Variants in ADGRL2 observed in about 807,000 individuals in gnomAD.
ADGRL2 encodes the protein calcium-independent alpha-latrotoxin receptor 2.
ADGRL2 carries 44 observed loss-of-function variants against 157.4 expected under a neutral mutation model. The observed-to-expected ratio is 0.28, with a 90% CI of 0.22 to 0.36. ADGRL2 has a LOEUF of 0.36. Ranked by LOEUF, ADGRL2 falls within the 10% of genes least tolerant of loss-of-function variation. ADGRL2 has a pLI of 1.00. For missense variants in ADGRL2, 1,510 were observed against 1,768.9 expected (o/e 0.85, Z 2.63); for synonymous variants, 585 against 624.7 (o/e 0.94, Z 0.95).
intron 2 of ADGRL2, among the ~76,000 whole-genome samples, chr1:81,868,381 T>A (rs2093606297): frequency 6.6e-6 from 1 of 152,110 alleles, no homozygotes. Context: ...AAGTGAACTT[T>A]GTGAAATATA....
At chr1:81,746,915 C>A (rs575823329) in intron 1 of ADGRL2, among the ~76,000 whole-genome samples, 1 of 133,204 alleles carries the variant, frequency 7.5e-6, no homozygotes, top group Non-Finnish European at 1.7e-5. Context: ...CACGTGCACA[C>A]GTATATACGT....
At chr1:81,918,302 C>T (rs762164067) in intron 3 of ADGRL2, among the ~76,000 whole-genome samples, 1 of 152,024 alleles carries the variant, frequency 6.6e-6, no homozygotes, top group Non-Finnish European at 1.5e-5. Context: ...CCTATGACAC[C>T]TGAGATATGT....
At chr1:81,746,274 TA>T (rs1334759344) in intron 1 of ADGRL2, among the ~76,000 whole-genome samples, 3 of 152,136 alleles carry the variant, frequency 2.0e-5, no homozygotes, top group African/African-American at 7.2e-5. Flanking sequence ...GCAATTTTAG[TA>T]AAATAAAAAT....
At chr1:81,476,173 A>G (rs933045218) in intron 2 of ADGRL2, among the ~76,000 whole-genome samples, 12 of 152,164 alleles carry the variant, frequency 7.9e-5, no homozygotes, top group African/African-American at 2.9e-4. Context: ...CAGAGAGAGA[A>G]AGAAAAAGAA....
chr1:81,457,603 C>G (rs1221609852), intron 2 of ADGRL2, among the ~76,000 whole-genome samples: 2 of 151,982 alleles, frequency 1.3e-5, no homozygotes, highest in African/African-American at 4.8e-5. Flanking sequence ...AACTTTTTTT[C>G]TTTTACTTTT....
rs186430361 is a variant in ADGRL2, at chr1:81,411,849, C to G, written c.-301-33187C>G. Among the ~76,000 whole-genome samples, 585 of 149,290 alleles carry G rather than the reference C, an allele frequency of 3.9e-3. 3 individuals are homozygous for G. Among genetic ancestry groups the G allele is most frequent in the African/African-American group, 0.014 (565 of 40,564 alleles). On this transcript the variant is annotated intron_variant, in intron 1 of 24. Transcript: ENST00000370721. ...GAGCTGAGATCGCGCCACTGCACTCCAGCCTGGGCAACAAAGCGAGACTCC... is the reference window on the plus strand; with the variant it reads ...GAGCTGAGATCGCGCCACTGCACTCGAGCCTGGGCAACAAAGCGAGACTCC...
chr1:81,938,228 T>G (rs2095338185), intron 4 of ADGRL2, among the ~76,000 whole-genome samples: 1 of 151,740 alleles, frequency 6.6e-6, no homozygotes, highest in African/African-American at 2.4e-5. Flanking sequence ...AACCAAAATT[T>G]TGTTCCATAA....
chr1:81,756,890 C>T (rs952958806), intron 1 of ADGRL2, among the ~76,000 whole-genome samples: 12 of 152,166 alleles, frequency 7.9e-5, no homozygotes, highest in African/African-American at 2.7e-4. Context: ...TAGGTTTACA[C>T]ACGTGGAACA....
intron 2 of ADGRL2, among the ~76,000 whole-genome samples, chr1:81,850,003 A>G (rs1046769846): frequency 1.3e-5 from 2 of 151,154 alleles, no homozygotes; most frequent in Admixed American, 1.3e-4. Context: ...CATGGTTGAC[A>G]TTGTGCTATA....
chr1:81,764,219 A>G (rs956549126), intron 2 of ADGRL2, among the ~76,000 whole-genome samples: 4 of 150,998 alleles, frequency 2.6e-5, no homozygotes, highest in African/African-American at 9.7e-5. Context: ...GTAGATAACT[A>G]GGCAAATATA....
At chr1:81,380,965 T>C (rs2076334194) in intron 1 of ADGRL2, among the ~76,000 whole-genome samples, 1 of 152,146 alleles carries the variant, frequency 6.6e-6, no homozygotes, top group African/African-American at 2.4e-5. Flanking sequence ...TTCCATCATC[T>C]CATTTACAAT....
chr1:81,431,070 G>A (rs545721462), intron 1 of ADGRL2, among the ~76,000 whole-genome samples: 10 of 152,140 alleles, frequency 6.6e-5, no homozygotes, highest in African/African-American at 2.4e-4. Flanking sequence ...CAGGAAATGG[G>A]GCCCTCCAAA....
intron 1 of ADGRL2, among the ~76,000 whole-genome samples, chr1:81,322,109 T>TATATATATATATATATATATATATAC (rs71592379): frequency 7.7e-6 from 1 of 129,850 alleles, no homozygotes; most frequent in African/African-American, 2.9e-5. Context: ...TATATATATA[T>TATATATATATATATATATATATATAC]ACACATATAT....
At chr1:81,344,858 A>T (rs771838778) in intron 1 of ADGRL2, among the ~76,000 whole-genome samples, 2 of 152,098 alleles carry the variant, frequency 1.3e-5, no homozygotes, top group East Asian at 3.9e-4. Context: ...TTGTTTTTTC[A>T]CTTTTGTGTT....
intron 1 of ADGRL2, among the ~76,000 whole-genome samples, chr1:81,381,770 T>TATG (rs1402685053): frequency 6.6e-6 from 1 of 152,170 alleles, no homozygotes; most frequent in East Asian, 1.9e-4. Flanking sequence ...AATTAAACCT[T>TATG]ATGTGGTTGT....
chr1:81,490,824 A>T (rs2078616034), intron 2 of ADGRL2, among the ~76,000 whole-genome samples: 1 of 152,238 alleles, frequency 6.6e-6, no homozygotes, highest in Admixed American at 6.5e-5. Context: ...GCACATTAAA[A>T]GGCATGCACA....
chr1:81,427,020 G>C (rs2101589078), intron 1 of ADGRL2: 1 of 1,055,526 alleles, frequency 9.5e-7, no homozygotes, highest in East Asian at 2.4e-5. Flanking sequence ...AAATACCACA[G>C]TTGATAACAT....
At chr1:81,767,069 G>A (rs2086158084) in intron 2 of ADGRL2, among the ~76,000 whole-genome samples, 1 of 151,624 alleles carries the variant, frequency 6.6e-6, no homozygotes, top group African/African-American at 2.4e-5. Context: ...ATATATAATT[G>A]TTGTTTATGT....
At chr1:81,398,191 A>G (rs1330045570) in intron 1 of ADGRL2, among the ~76,000 whole-genome samples, 1 of 151,610 alleles carries the variant, frequency 6.6e-6, no homozygotes, top group Non-Finnish European at 1.5e-5. Flanking sequence ...TTTTCAGTCT[A>G]TTTGTGTCTT....
Sources: gnomAD v4.1 joint callset for allele counts (sites outside exome capture counted in the v4.1 genomes callset) on GRCh38, gnomAD v4.1.1 for gene constraint, MANE v1.5 for transcripts, NCBI Gene and HGNC (gene_info 2026-07-23, HGNC 2026-07-21) for gene names.